Variants in ZNF814 observed in about 807,000 individuals in gnomAD.
ZNF814 encodes zinc finger protein 814.
In ZNF814, 5 loss-of-function variants were observed where a neutral mutation model predicts 7.5. The ratio of observed to expected loss-of-function variants is 0.67; its 90% CI spans 0.35 to 1.40. The LOEUF is 1.40. Among genes scored for constraint, ZNF814 ranks in the 40% most tolerant of loss-of-function variants. The pLI is 0.04. For synonymous variants in ZNF814, 315 were observed against 340.7 expected, an observed-to-expected ratio of 0.92 and a Z score of 0.83; for missense variants, 962 against 1,018.0, an observed-to-expected ratio of 0.94 and a Z score of 0.75.
At position 57,873,849 on chromosome 19, in the gene ZNF814, TG is replaced by T; in HGVS notation, c.1540del (p.His514ThrfsTer399). On this transcript the variant is annotated frameshift_variant, in exon 3 of 3. Transcript: ENST00000435989. LOFTEE classifies it low-confidence loss of function (END_TRUNC). ...KGNLVLHQRVHTGARPYECGE... is the reference protein window; with the variant it reads ...KGNLVLHQRVXTGARPYECGE... Reference sequence around the variant, plus strand: ...ACACTCATAAGGTCTTGCTCCAGTGTGAACTCGCTGGTGTAGAACGAGGTTG... The same window carrying T: ...ACACTCATAAGGTCTTGCTCCAGTGTAACTCGCTGGTGTAGAACGAGGTTG... The T allele has an allele frequency of 6.2e-7, 1 of 1,614,108 alleles. No individual in the cohort carries two copies. The highest frequency in any genetic ancestry group is 8.5e-7 in the Non-Finnish European group (1 of 1,179,986).
In ZNF814 at chr19:57,874,358, T is replaced by C. The variant is rs1271489963; in HGVS notation, c.1032A>G (p.Arg344=). ...SKYASFSNHQ[R]VHTEKKHYEC... is the part of the protein sequence containing the mutation. Reference sequence around the variant, plus strand: ...CATAATGTTTTTTTTCAGTGTGAACTCTCTGATGATTACTGAAGCTAGCAT... The same window carrying C: ...CATAATGTTTTTTTTCAGTGTGAACCCTCTGATGATTACTGAAGCTAGCAT... The change falls in exon 3 of 3, where the codon AGA becomes AGG. Residue 344 remains arginine, a synonymous_variant. Transcript: ENST00000435989. 6.3e-7 allele frequency: 1 copy of C among 1,579,026 alleles called. No homozygotes were observed. The highest frequency in any genetic ancestry group is 1.4e-5 in the African/African-American group (1 of 73,634).
Position 57,869,422 on chromosome 19 carries a change from C to A in ZNF814, c.*3400G>T, listed in dbSNP as rs1185004719. 6.6e-6 allele frequency: 1 copy of A among 151,588 alleles called. No homozygotes were observed. The highest frequency in any genetic ancestry group is 2.1e-4 in the South Asian group (1 of 4,816). The allele number at this position is 151,588 out of a possible 1,614,324, so 9.4% of individuals were successfully genotyped here. A position where few individuals can be genotyped will look rare whatever the true frequency, so the allele number is the denominator to read the frequency against. On this transcript the variant is annotated 3_prime_UTR_variant, in exon 3 of 3. Coordinates refer to ENST00000435989, the MANE Select transcript of ZNF814 (RefSeq NM_001144989.2). ...TTTATTACATCACTCATCTAACATT[C>A]CAGAAAATGGAAAGTACTCTACTGT...
Position 57,872,595 on chromosome 19 carries a change from T to G in ZNF814, c.*227A>C. 8.4e-7 allele frequency: 1 copy of G among 1,195,124 alleles called. No individual in the cohort carries two copies. The highest frequency in any genetic ancestry group is 1.2e-6 in the Non-Finnish European group (1 of 835,756). 74.0% of individuals were successfully genotyped at this position (1,195,124 alleles called of 1,614,324 possible). On this transcript the variant is annotated 3_prime_UTR_variant, in exon 3 of 3. Transcript: ENST00000435989. ...CACAAGACCTTACTCCAGTGTGAACTCTCCTGTGTTTAATGAGACTGAAAG... is the reference window on the plus strand; with the variant it reads ...CACAAGACCTTACTCCAGTGTGAACGCTCCTGTGTTTAATGAGACTGAAAG...
At chr19:57,897,883 A>G in the ZNF814 span, among the ~76,000 whole-genome samples, 2 of 152,222 alleles carry the variant, frequency 1.3e-5, no homozygotes, top group Non-Finnish European at 2.9e-5. Flanking sequence ...TTTCCCCAGG[A>G]AAAAGAATTG....
chr19:57,882,939 G>T (rs967610352), intron 1 of ZNF814, among the ~76,000 whole-genome samples: 2 of 152,116 alleles, frequency 1.3e-5, no homozygotes, highest in Non-Finnish European at 2.9e-5. Context: ...GAATCCTGGA[G>T]AAACAGAGAT....
At chr19:57,903,401 G>A in the ZNF814 span, among the ~76,000 whole-genome samples, 1 of 152,182 alleles carries the variant, frequency 6.6e-6, no homozygotes, top group Admixed American at 6.5e-5. Context: ...CCCTCAGACA[G>A]TAATTTGGAT....
In ZNF814 at chr19:57,873,585, C is replaced by T. The variant is rs1185333611; in HGVS notation, c.1805G>A (p.Arg602Lys). 6.2e-7 allele frequency: 1 copy of T among 1,613,702 alleles called. No individual in the cohort carries two copies. The highest frequency in any genetic ancestry group is 1.7e-5 in the Admixed American group (1 of 59,950). Residue 602 changes from arginine (R) to lysine (K), a missense_variant, in exon 3 of 3, where the codon AGG becomes AAG. Physicochemically the swap from Arg to Lys is conservative, Grantham distance 26. This residue lies in a region of ZNF814 where 665 missense variants were observed against 551.4 expected (regional missense o/e 1.21). Transcript: ENST00000435989. ...RSHQRVHTGE[R>K]PYECGECGKS... is the part of the protein sequence containing the mutation. The stretch of plus-strand genomic sequence containing the variant: ...CCCACATTCTCCACACTCATAAGGC[C>T]TCTCTCCAGTATGAACGCGCTGATG...
chr19:57,871,847 C>T lies in ZNF814; in HGVS notation c.*975G>A, dbSNP rs1252269377. Among the ~76,000 whole-genome samples, 1 of 149,348 alleles carries T rather than the reference C, an allele frequency of 6.7e-6. No individual in the cohort carries two copies. The highest frequency in any genetic ancestry group is 1.5e-5 in the Non-Finnish European group (1 of 67,598). ...AAAAAAGGCCAGGCACAGTAACTCACACCTGTAATCCCAGCATGTTTGGAG... is the reference window on the plus strand; with the variant it reads ...AAAAAAGGCCAGGCACAGTAACTCATACCTGTAATCCCAGCATGTTTGGAG... On this transcript the variant is annotated 3_prime_UTR_variant, in exon 3 of 3. Transcript: ENST00000435989.
intron 1 of ZNF814, among the ~76,000 whole-genome samples, chr19:57,883,517 C>T (rs761208646): frequency 2.6e-5 from 4 of 151,602 alleles, no homozygotes; most frequent in Admixed American, 6.6e-5. Context: ...AAAAATTAGC[C>T]GGATGTGGTA....
chr19:57,877,651 C>G (rs1415996068), intron 1 of ZNF814, among the ~76,000 whole-genome samples: 2 of 152,026 alleles, frequency 1.3e-5, no homozygotes, highest in Non-Finnish European at 2.9e-5. Flanking sequence ...CCATGTTGGC[C>G]AAGCTGGTCT....
chr19:57,901,898 C>T, the ZNF814 span, among the ~76,000 whole-genome samples: 2 of 152,074 alleles, frequency 1.3e-5, no homozygotes, highest in Admixed American at 6.6e-5. Context: ...TTGAGGTGTA[C>T]AACAATGACA....
the ZNF814 span, chr19:57,901,679 G>A: frequency 2.9e-6 from 1 of 340,330 alleles, no homozygotes; most frequent in South Asian, 1.9e-4. Flanking sequence ...CCAACATGGG[G>A]ACAAATCAGG....
At chr19:57,902,798 C>G in the ZNF814 span, among the ~76,000 whole-genome samples, 2 of 151,884 alleles carry the variant, frequency 1.3e-5, no homozygotes, top group East Asian at 3.9e-4. Context: ...GTAGCTGGGA[C>G]TACAGGCGCC....
chr19:57,899,696 G>A, the ZNF814 span, among the ~76,000 whole-genome samples: 3 of 152,150 alleles, frequency 2.0e-5, no homozygotes, highest in Non-Finnish European at 2.9e-5. Flanking sequence ...CAAGTGAAAC[G>A]AATTAACCCT....
rs775320500 is a variant in ZNF814 at position 57,873,527 on chromosome 19, G to C, written c.1863C>G (p.His621Gln). 2.5e-6 allele frequency: 4 copies of C among 1,613,856 alleles called. No individual in the cohort carries two copies. The South Asian group carries it at 3.3e-5, about 13-fold the overall frequency. ...TTTCTCCAGTGTGCATGCGCTGATG[G>C]TGAACAAGGCTGCGCTTATGACTAA... ...KSFSHKRSLV[H>Q]HQRMHTGERP... The change falls in exon 3 of 3, where the codon CAC becomes CAG. Residue 621 changes from histidine (H) to glutamine (Q), a missense_variant. Around this residue, in one of 7 missense-constraint regions of ZNF814, gnomAD observed 665 missense variants for 551.4 expected, o/e 1.21. Coordinates refer to ENST00000435989, the MANE Select transcript of ZNF814 (RefSeq NM_001144989.2).
chr19:57,901,989 G>A, the ZNF814 span, among the ~76,000 whole-genome samples: 8 of 152,134 alleles, frequency 5.3e-5, no homozygotes, highest in African/African-American at 1.9e-4. Context: ...TATATCAATA[G>A]GATATAAATA....
At position 57,871,301 on chromosome 19, in the gene ZNF814, C is replaced by A. The variant is rs903999898; in HGVS notation, c.*1521G>T. 1 of 152,190 alleles carries A rather than the reference C, an allele frequency of 6.6e-6. No homozygotes were observed. The highest frequency in any genetic ancestry group is 2.4e-5 in the African/African-American group (1 of 41,456). The allele number at this position is 152,190 out of a possible 1,614,324, so 9.4% of individuals were successfully genotyped here. A position where few individuals can be genotyped will look rare whatever the true frequency, so the allele number is the denominator to read the frequency against. On this transcript the variant is annotated 3_prime_UTR_variant, in exon 3 of 3. Transcript: ENST00000435989. ...CCTATGAACCCACAAATTTTAGTAT[C>A]CGTGCTACAGATAAAGACCACAAAG... is the stretch of plus-strand genomic sequence containing the variant.
the ZNF814 span, among the ~76,000 whole-genome samples, chr19:57,900,839 A>C: frequency 2.2e-5 from 1 of 45,782 alleles, no homozygotes; most frequent in East Asian, 7.7e-4. Context: ...CCATGGCTGC[A>C]TTTTTTTTTT....
At chr19:57,880,625 A>T (rs1270664972) in intron 1 of ZNF814, among the ~76,000 whole-genome samples, 5 of 85,994 alleles carry the variant, frequency 5.8e-5, no homozygotes, top group East Asian at 3.7e-4. Context: ...TTTTTTTTTT[A>T]AGAGAGAGTC....
Sources: allele counts gnomAD v4.1 joint callset (sites outside exome capture counted in the v4.1 genomes callset), GRCh38; gene constraint gnomAD v4.1.1; regional missense constraint gnomAD v4.1.1; transcripts MANE v1.5; gene names NCBI Gene and HGNC (gene_info 2026-07-23, HGNC 2026-07-21).